Variants in CLYBL observed in about 807,000 individuals in gnomAD.
CLYBL encodes the protein citramalyl-CoA lyase, also known as citramalyl-CoA lyase, mitochondrial.
In CLYBL, 31 loss-of-function variants were observed where a neutral mutation model predicts 38.9. The ratio of observed to expected loss-of-function variants is 0.80; its 90% CI spans 0.60 to 1.08. CLYBL has a LOEUF of 1.08. Among genes scored for constraint, CLYBL ranks in the 50% least tolerant of loss-of-function variants. The pLI, the probability that CLYBL is intolerant of heterozygous loss-of-function variation, is 0.00. For synonymous variants in CLYBL, 171 were observed against 158.6 expected (o/e 1.08, Z -0.59); for missense variants, 434 against 411.6 (o/e 1.05, Z -0.47).
intron 1 of CLYBL, among the ~76,000 whole-genome samples, chr13:99,703,394 G>A (rs2048098814): frequency 1.3e-5 from 2 of 151,468 alleles, no homozygotes; most frequent in Non-Finnish European, 2.9e-5. Flanking sequence ...TTTTTGAGAT[G>A]GAGTCTCACT....
intron 1 of CLYBL, among the ~76,000 whole-genome samples, chr13:99,620,087 C>T (rs979485235): frequency 1.3e-5 from 2 of 152,160 alleles, no homozygotes; most frequent in Non-Finnish European, 2.9e-5. Flanking sequence ...GGAGTGCTAC[C>T]AGGCACTTTG....
At chr13:99,845,476 G>T (rs956235439) in intron 2 of CLYBL, among the ~76,000 whole-genome samples, 1 of 152,240 alleles carries the variant, frequency 6.6e-6, no homozygotes, top group East Asian at 1.9e-4. Context: ...ACCAGTGAAG[G>T]AATGAAGCTG....
intron 2 of CLYBL, among the ~76,000 whole-genome samples, chr13:99,817,654 C>CAAAA (rs1189248896): frequency 6.1e-5 from 3 of 49,056 alleles, no homozygotes; most frequent in Non-Finnish European, 1.2e-4. Flanking sequence ...GACTCTGTCT[C>CAAAA]AAAAAAAAAA....
At chr13:99,639,730 A>C (rs1020458703) in intron 1 of CLYBL, among the ~76,000 whole-genome samples, 6 of 152,104 alleles carry the variant, frequency 3.9e-5, no homozygotes, top group Non-Finnish European at 4.4e-5. Context: ...ATATCTATAC[A>C]AAAGAAAAGT....
rs150906285 is a variant in CLYBL, at chr13:99,813,055, T to C, written c.249+40045T>C. Reference sequence around the variant, plus strand: ...AGAATGAAAGGCTATAATTTCTTCTTCTTTAATCTGGAATAGTTAGAAACA... The same window carrying C: ...AGAATGAAAGGCTATAATTTCTTCTCCTTTAATCTGGAATAGTTAGAAACA... On this transcript the variant is annotated intron_variant, in intron 2 of 8. Transcript: ENST00000339105. 1.5e-3 allele frequency among the ~76,000 whole-genome samples: 229 copies of C among 152,338 alleles called. 1 individual carries two copies. Among genetic ancestry groups the C allele is most frequent in the East Asian group, 9.5e-3 (49 of 5,178 alleles).
intron 1 of CLYBL, among the ~76,000 whole-genome samples, chr13:99,731,709 C>A (rs1478148780): frequency 6.6e-6 from 1 of 152,160 alleles, no homozygotes; most frequent in Non-Finnish European, 1.5e-5. Context: ...GCTGGGGCCA[C>A]ATGGACAGTG....
At chr13:99,740,502 C>T (rs1235745493) in intron 1 of CLYBL, among the ~76,000 whole-genome samples, 2 of 152,172 alleles carry the variant, frequency 1.3e-5, no homozygotes, top group South Asian at 2.1e-4. Context: ...TTTGTGGCTA[C>T]GTGGGTTCTT....
chr13:99,609,177 T>G (rs1310419239), intron 1 of CLYBL, among the ~76,000 whole-genome samples: 10 of 126,384 alleles, frequency 7.9e-5, no homozygotes, highest in Non-Finnish European at 1.3e-4. Flanking sequence ...TTGTTTTTTT[T>G]TTTTTTTTTT....
At chr13:99,684,141 A>C (rs1007470894) in intron 1 of CLYBL, among the ~76,000 whole-genome samples, 2 of 148,746 alleles carry the variant, frequency 1.3e-5, no homozygotes, top group Non-Finnish European at 3.0e-5. Context: ...CGGCCTCCCA[A>C]AGTGCTATGA....
At chr13:99,682,926 G>C (rs1480495717) in intron 1 of CLYBL, among the ~76,000 whole-genome samples, 1 of 151,602 alleles carries the variant, frequency 6.6e-6, no homozygotes, top group Admixed American at 6.6e-5. Context: ...CAGTAGAGAC[G>C]GGGGTTTCGC....
chr13:99,904,998 T>C (rs2052680683), intron 8 of CLYBL, among the ~76,000 whole-genome samples: 1 of 151,642 alleles, frequency 6.6e-6, no homozygotes, highest in African/African-American at 2.4e-5. Context: ...CCCCACCTTT[T>C]CTGCTCCCCC....
At chr13:99,689,380 G>T (rs1441818764) in intron 1 of CLYBL, among the ~76,000 whole-genome samples, 2 of 152,140 alleles carry the variant, frequency 1.3e-5, no homozygotes, top group Admixed American at 6.5e-5. Context: ...TCACAGACAG[G>T]TTGTCCCAGA....
At chr13:99,818,488 C>T (rs2050507486) in intron 2 of CLYBL, among the ~76,000 whole-genome samples, 1 of 151,862 alleles carries the variant, frequency 6.6e-6, no homozygotes, top group Non-Finnish European at 1.5e-5. Context: ...CACACACGGA[C>T]ACACACTGCC....
At chr13:99,640,947 G>A (rs2047083750) in intron 1 of CLYBL, among the ~76,000 whole-genome samples, 1 of 152,120 alleles carries the variant, frequency 6.6e-6, no homozygotes, top group South Asian at 2.1e-4. Flanking sequence ...TCCCTTTATG[G>A]GAGGACTTAA....
At chr13:99,748,444 T>TGG (rs2048894524) in intron 1 of CLYBL, among the ~76,000 whole-genome samples, 4 of 128,770 alleles carry the variant, frequency 3.1e-5, no homozygotes, top group African/African-American at 1.2e-4. Flanking sequence ...TTTTTTTTTT[T>TGG]TTTTTTTTTT....
intron 2 of CLYBL, among the ~76,000 whole-genome samples, chr13:99,822,966 A>G (rs2050615536): frequency 6.6e-6 from 1 of 152,118 alleles, no homozygotes; most frequent in South Asian, 2.1e-4. Context: ...GAGCTCTCTT[A>G]CCCTTCTCCC....
chr13:99,632,968 C>T (rs925727644), intron 1 of CLYBL, among the ~76,000 whole-genome samples: 1 of 149,406 alleles, frequency 6.7e-6, no homozygotes, highest in Non-Finnish European at 1.5e-5. Context: ...GGGCCAGGTG[C>T]AGTGTCTCAC....
intron 1 of CLYBL, among the ~76,000 whole-genome samples, chr13:99,658,636 A>G (rs1028708582): frequency 2.0e-5 from 3 of 152,264 alleles, no homozygotes; most frequent in Middle Eastern, 3.4e-3. Context: ...GGACAGGAAC[A>G]AGGAGGTGGG....
At chr13:99,799,889 G>T (rs9557309) in intron 2 of CLYBL, among the ~76,000 whole-genome samples, 5 of 152,104 alleles carry the variant, frequency 3.3e-5, no homozygotes, top group Non-Finnish European at 7.4e-5. Flanking sequence ...GTCAGATGTC[G>T]CGTGCACCCA....
Sources: gnomAD v4.1 joint callset for allele counts (sites outside exome capture counted in the v4.1 genomes callset) on GRCh38, gnomAD v4.1.1 for gene constraint, MANE v1.5 for transcripts, NCBI Gene and HGNC (gene_info 2026-07-23, HGNC 2026-07-21) for gene names.